The following USB1 variants were observed in gnomAD, a reference collection of about 807,000 sequenced individuals.
USB1 encodes the protein U6 snRNA phosphodiesterase 1.
USB1 carries 21 observed loss-of-function variants against 29.9 expected under a neutral mutation model. The ratio of observed to expected loss-of-function variants is 0.70; its 90% CI spans 0.50 to 1.01. The LOEUF is 1.01. Among genes scored for constraint, USB1 ranks in the 50% least tolerant of loss-of-function variants. The pLI, the probability that USB1 is intolerant of heterozygous loss-of-function variation, is 0.00. For missense variants in USB1, 330 were observed against 347.1 expected (o/e 0.95, Z 0.39); for synonymous variants, 143 against 134.9 (o/e 1.06, Z -0.42).
At chr16:58,011,875 G>A (rs1217669636) in intron 3 of USB1, 3 of 995,158 alleles carry the variant, frequency 3.0e-6, no homozygotes, top group African/African-American at 3.5e-5. Context: ...GTTGAGTCAT[G>A]GTGCGGGAAT....
chr16:58,011,303 A>T (rs980247778), intron 3 of USB1: 2 of 1,423,182 alleles, frequency 1.4e-6, no homozygotes, highest in Non-Finnish European at 1.8e-6. Flanking sequence ...TATGGGGGTG[A>T]AAGGAGATCA....
intron 3 of USB1, chr16:58,012,362 A>C (rs893028312): frequency 6.6e-7 from 1 of 1,524,566 alleles, no homozygotes; most frequent in African/African-American, 1.4e-5. Context: ...AAAGTGGCTT[A>C]AACCAAAGAG....
chr16:58,001,302 A>T, upstream of USB1: 2 of 711,570 alleles, frequency 2.8e-6, no homozygotes, highest in Non-Finnish European at 4.8e-6. Flanking sequence ...GCCGGCAGAC[A>T]GCTTGGAGTC....
intron 1 of USB1, among the ~76,000 whole-genome samples, chr16:58,001,924 T>TA (rs1459995318): frequency 6.6e-6 from 1 of 152,196 alleles, no homozygotes; most frequent in Non-Finnish European, 1.5e-5. Flanking sequence ...TGCTAAAGCG[T>TA]AGGGAGAGCC....
In USB1 at chr16:58,001,454, A is replaced by ACCTGCTCTGGTGGT. The variant is rs1567415460; in HGVS notation, c.-28_-15dup. The ACCTGCTCTGGTGGT allele has an allele frequency of 6.3e-7, 1 of 1,577,092 alleles. No individual in the cohort carries two copies. The highest frequency in any genetic ancestry group is 1.8e-5 in the Admixed American group (1 of 54,644). On this transcript the variant is annotated 5_prime_UTR_variant, in exon 1 of 7. Transcript: ENST00000219281. ...GGGTGCCGGTTGAGGTTGCTGGTGG[A>ACCTGCTCTGGTGGT]CCTGCTCTGGTGGTCTTGGATGAGG... is the stretch of plus-strand genomic sequence containing the variant.
intron 5 of USB1, among the ~76,000 whole-genome samples, chr16:58,018,212 C>A (rs1454156455): frequency 6.6e-6 from 1 of 150,654 alleles, no homozygotes; most frequent in Non-Finnish European, 1.5e-5. Flanking sequence ...AAGGTGACAG[C>A]ATGGTTGATG....
chr16:58,012,599 G>A, intron 3 of USB1: 1 of 1,380,942 alleles, frequency 7.2e-7, no homozygotes, highest in Non-Finnish European at 9.4e-7. Context: ...ATTGGCTTCA[G>A]CACAAGTCAC....
rs1963259487 is a variant in USB1, at chr16:58,002,764, G to A, written c.265+119G>A. ...CAGAAACCTCTAACACTGGTGGTGG[G>A]AAAGTCATTGACTTAGCAGAGAAAG... On this transcript the variant is annotated intron_variant, in intron 2 of 6. Transcript: ENST00000219281. 1.5e-5 allele frequency: 20 copies of A among 1,378,942 alleles called. No individual in the cohort carries two copies. In the South Asian group the frequency reaches 2.3e-4, roughly 16 times the overall value. The allele number at this position is 1,378,942 out of a possible 1,614,324, so 85.4% of individuals were successfully genotyped here.
chr16:58,009,219 G>A lies in USB1; in HGVS notation c.266-710G>A, dbSNP rs1963433715. Among the ~76,000 whole-genome samples, 5 of 152,304 alleles carry A rather than the reference G, an allele frequency of 3.3e-5. No homozygotes were observed. In the South Asian group the frequency reaches 1.0e-3, roughly 32 times the overall value. On this transcript the variant is annotated intron_variant, in intron 2 of 6. Transcript: ENST00000219281. ...AGAATCCTTCTGTAGTCCTGTGATT[G>A]GGTGTCAATCTTTTGGTGAGCCGGT...
At chr16:58,005,350 C>G (rs1963326011) in intron 2 of USB1, among the ~76,000 whole-genome samples, 2 of 152,164 alleles carry the variant, frequency 1.3e-5, no homozygotes, top group Non-Finnish European at 2.9e-5. Flanking sequence ...GGTGTTTTCC[C>G]TTGGCACTGA....
At chr16:58,006,334 A>C (rs1963354031) in intron 2 of USB1, among the ~76,000 whole-genome samples, 1 of 141,226 alleles carries the variant, frequency 7.1e-6, no homozygotes, top group South Asian at 2.3e-4. Context: ...CCTGGTCAAC[A>C]AGAGCAAAAC....
rs1355869849 is a variant in USB1, at chr16:58,020,420, CTCTT to C, written c.*179_*182del. ...CCCTGAGTGCTGATATTCTCTCTCT[CTCTT>C]TCTCTTCCTCTTCTTTCTCTCTCTT... On this transcript the variant is annotated 3_prime_UTR_variant, in exon 7 of 7. Transcript: ENST00000219281. The C allele has an allele frequency of 9.3e-5, 61 of 659,440 alleles. No individual in the cohort carries two copies. The highest frequency in any genetic ancestry group is 3.9e-4 in the East Asian group (14 of 36,198). 40.8% of individuals were successfully genotyped at this position (659,440 alleles called of 1,614,324 possible). A position where few individuals can be genotyped will look rare whatever the true frequency, so the allele number is the denominator to read the frequency against.
Position 58,001,596 on chromosome 16 carries a change from A to G in USB1, c.98+15A>G, listed in dbSNP as rs752987411. ...AGCCACCGTCGGTGAGGAGTGAGGA[A>G]GTCTCTCCGGAGGGCGCGCGCATTC... is the stretch of plus-strand genomic sequence containing the variant. On this transcript the variant is annotated intron_variant, in intron 1 of 6. Coordinates refer to ENST00000219281, the MANE Select transcript of USB1 (RefSeq NM_024598.4). 15 of 1,596,014 alleles carry G rather than the reference A, an allele frequency of 9.4e-6. No individual in the cohort carries two copies. Among genetic ancestry groups the G allele is most frequent in the Middle Eastern group, 3.3e-4 (2 of 6,036 alleles).
intron 2 of USB1, among the ~76,000 whole-genome samples, chr16:58,009,235 G>A (rs1228049725): frequency 6.6e-6 from 1 of 152,170 alleles, no homozygotes; most frequent in Non-Finnish European, 1.5e-5. Flanking sequence ...CAATCTTTTG[G>A]TGAGCCGGTT....
rs1046389186 is a variant in USB1, at chr16:58,001,538, G to A, written c.55G>A (p.Glu19Lys). Residue 19 changes from glutamate (E) to lysine (K), a missense_variant, in exon 1 of 7, where the codon GAG becomes AAG. By Grantham distance (56) the Glu-to-Lys change is moderately conservative (BLOSUM62 1). Transcript: ENST00000219281. Reference protein sequence around the residue: ...YSSSGSEDESEDGMRTRPGDG... With the variant: ...YSSSGSEDESKDGMRTRPGDG... ...CAGCAGCGGCTCCGAGGATGAGTCCGAGGACGGGATGCGGACCAGGCCGGG... is the reference window on the plus strand; with the variant it reads ...CAGCAGCGGCTCCGAGGATGAGTCCAAGGACGGGATGCGGACCAGGCCGGG... 1.2e-6 allele frequency: 2 copies of A among 1,609,640 alleles called. No individual in the cohort carries two copies. The highest frequency in any genetic ancestry group is 1.7e-6 in the Non-Finnish European group (2 of 1,178,478).
rs746174189 is a variant in USB1, at chr16:58,001,464, G to A, written c.-20G>A. 8.2e-6 allele frequency: 13 copies of A among 1,586,450 alleles called. No individual in the cohort carries two copies. Among genetic ancestry groups the A allele is most frequent in the Non-Finnish European group, 1.1e-5 (13 of 1,167,320 alleles). On this transcript the variant is annotated 5_prime_UTR_variant, in exon 1 of 7. It adds an upstream start codon to the 5' untranslated region. Coordinates refer to ENST00000219281, the MANE Select transcript of USB1 (RefSeq NM_024598.4). ...TGAGGTTGCTGGTGGACCTGCTCTG[G>A]TGGTCTTGGATGAGGCCCCATGAGC...
rs1378755877 is a variant in USB1 at position 58,020,460 on chromosome 16, TCTCTCCTCTGTCTCTCTTC to T, written c.*225_*243del. ...TTCTTTCTCTCTCTTCTCCTCTCTT[TCTCTCCTCTGTCTCTCTTC>T]CTCTCCTCTCTTCCTCTCTTCTCTC... is the stretch of plus-strand genomic sequence containing the variant. On this transcript the variant is annotated 3_prime_UTR_variant, in exon 7 of 7. Transcript: ENST00000219281. 1.7e-4 allele frequency: 104 copies of T among 603,878 alleles called. No homozygotes were observed. The African/African-American group carries it at 1.8e-3, about 11-fold the overall frequency. 37.4% of individuals were successfully genotyped at this position (603,878 alleles called of 1,614,324 possible).
intron 2 of USB1, 75 bp from the exon 3 acceptor site, chr16:58,009,854 C>T: frequency 6.3e-7 from 1 of 1,583,666 alleles, no homozygotes; most frequent in Non-Finnish European, 8.7e-7. Flanking sequence ...CTTCCCTCTG[C>T]CTTCTGGGCT....
rs1261132871 is a variant in USB1 at position 58,017,511 on chromosome 16, T to A, written c.609+72T>A. 2.0e-5 allele frequency: 29 copies of A among 1,421,612 alleles called. No individual in the cohort carries two copies. In the East Asian group the frequency reaches 6.5e-4, roughly 32 times the overall value. 88.1% of individuals were successfully genotyped at this position (1,421,612 alleles called of 1,614,324 possible). ...AATAAAACTGTCTTTAAAGAAGCCCTCGTAAGAGGCAAACCGAAGACCCTT... is the reference window on the plus strand; with the variant it reads ...AATAAAACTGTCTTTAAAGAAGCCCACGTAAGAGGCAAACCGAAGACCCTT... On this transcript the variant is annotated intron_variant, in intron 5 of 6. Coordinates refer to ENST00000219281, the MANE Select transcript of USB1 (RefSeq NM_024598.4).
Sources: gnomAD v4.1 joint callset for allele counts (sites outside exome capture counted in the v4.1 genomes callset) on GRCh38, gnomAD v4.1.1 for gene constraint, MANE v1.5 for transcripts, NCBI Gene and HGNC (gene_info 2026-07-23, HGNC 2026-07-21) for gene names.